Variants in SEC24A observed in about 807,000 individuals in gnomAD.
The protein encoded by SEC24A is SEC24 homolog A, COPII component, also known as protein transport protein Sec24A.
A neutral mutation model predicts 129.4 loss-of-function variants in SEC24A; 93 were observed. That is an observed-to-expected ratio of 0.72 (90% CI 0.61 to 0.85). The LOEUF is 0.85. Among genes scored for constraint, SEC24A ranks in the 40% least tolerant of loss-of-function variants. SEC24A has a pLI of 0.00. For synonymous variants in SEC24A, 460 were observed against 467.3 expected, an observed-to-expected ratio of 0.98 and a Z score of 0.20; for missense variants, 1,264 against 1,307.4, an observed-to-expected ratio of 0.97 and a Z score of 0.51.
chr5:134,669,528 G>C (rs1750784009), intron 3 of SEC24A, among the ~76,000 whole-genome samples: 1 of 151,350 alleles, frequency 6.6e-6, no homozygotes, highest in Non-Finnish European at 1.5e-5. Flanking sequence ...CCAGGCTGGA[G>C]TGCAGTGGCA....
In SEC24A at chr5:134,726,964, A is replaced by C. The variant is rs1321413713; in HGVS notation, c.*1870A>C. On this transcript the variant is annotated 3_prime_UTR_variant, in exon 23 of 23. Transcript: ENST00000398844. ...AGTATATTTCACAAATTTACTTTTA[A>C]ATATTATTTTAGATACGGTGTAACA... is the stretch of plus-strand genomic sequence containing the variant. 6.6e-6 allele frequency: 1 copy of C among 152,372 alleles called. No homozygotes were observed. The highest frequency in any genetic ancestry group is 1.9e-4 in the East Asian group (1 of 5,202). The allele number at this position is 152,372 out of a possible 1,614,324, so 9.4% of individuals were successfully genotyped here.
At chr5:134,718,737 C>T (rs1248069362) in intron 20 of SEC24A, among the ~76,000 whole-genome samples, 2 of 151,930 alleles carry the variant, frequency 1.3e-5, no homozygotes, top group Admixed American at 1.3e-4. Context: ...TTTGGGAGGC[C>T]GAGGCAGGTA....
rs141606700 is a variant in SEC24A at position 134,672,303 on chromosome 5, T to G, written c.817+417T>G. ...CCTGGGTTCAAGTGATTCTCCCACTTAAGCCTCCCAGTTAGCTGGTATTAG... is the reference window on the plus strand; with the variant it reads ...CCTGGGTTCAAGTGATTCTCCCACTGAAGCCTCCCAGTTAGCTGGTATTAG... On this transcript the variant is annotated intron_variant, in intron 4 of 22. Coordinates refer to ENST00000398844, the MANE Select transcript of SEC24A (RefSeq NM_021982.3). Among the ~76,000 whole-genome samples the G allele has an allele frequency of 6.3e-3, 961 of 152,296 alleles. 6 individuals are homozygous for G. Among genetic ancestry groups the G allele is most frequent in the Non-Finnish European group, 9.7e-3 (662 of 68,018 alleles).
chr5:134,674,907 C>T (rs906178647), intron 5 of SEC24A, 132 bp downstream of exon 5: 9 of 1,104,660 alleles, frequency 8.1e-6, no homozygotes, highest in Non-Finnish European at 1.1e-5. Flanking sequence ...TTTCATAAAG[C>T]CTTTGTCTTT....
At chr5:134,723,221 T>C (rs1421165776) in intron 21 of SEC24A, among the ~76,000 whole-genome samples, 2 of 152,212 alleles carry the variant, frequency 1.3e-5, no homozygotes, top group East Asian at 1.9e-4. Flanking sequence ...ATCCCAGCAC[T>C]TCGGGAGGCC....
chr5:134,659,532 GA>G (rs769423562), intron 1 of SEC24A, among the ~76,000 whole-genome samples: 2 of 150,294 alleles, frequency 1.3e-5, no homozygotes, highest in Non-Finnish European at 3.0e-5. Flanking sequence ...AGGGATGTCA[GA>G]AAAAAAAATT....
At position 134,661,211 on chromosome 5, in the gene SEC24A, G is replaced by C. The variant is rs375169255; in HGVS notation, c.190G>C (p.Ala64Pro). 1.2e-6 allele frequency: 2 copies of C among 1,614,122 alleles called. No individual in the cohort carries two copies. Among genetic ancestry groups the C allele is most frequent in the Non-Finnish European group, 8.5e-7 (1 of 1,180,012 alleles). ...AGGATCCTACCCTCATCCAATACCAGCAAAGACTTTGAATCCAGTCTCTGG... is the reference window on the plus strand; with the variant it reads ...AGGATCCTACCCTCATCCAATACCACCAAAGACTTTGAATCCAGTCTCTGG... ...LPGSYPHPIP[A>P]KTLNPVSGQS... The change falls in exon 2 of 23, where the codon GCA becomes CCA. Residue 64 changes from alanine (A) to proline (P), a missense_variant. Ala to Pro is a conservative substitution (Grantham distance 27). Transcript: ENST00000398844.
intron 12 of SEC24A, chr5:134,693,121 T>G: frequency 1.3e-6 from 2 of 1,535,766 alleles, no homozygotes; most frequent in Non-Finnish European, 1.7e-6. Flanking sequence ...AGAATGTGTC[T>G]GAAGGGGGGA....
Position 134,708,877 on chromosome 5 carries a change from C to G in SEC24A, c.2716C>G (p.Leu906Val), listed in dbSNP as rs759797682. The change falls in exon 18 of 23, where the codon CTC becomes GTC. Residue 906 changes from leucine (L) to valine (V), a missense_variant. Physicochemically the swap from Leu to Val is conservative, Grantham distance 32. Transcript: ENST00000398844. ...LRLFPLFVLA[L>V]LKQKSFQTGT... ...GCTTTTCCCACTTTTTGTGTTGGCT[C>G]TCCTTAAACAGGTAAGAAAAACAGA... is the stretch of plus-strand genomic sequence containing the variant. 1.9e-6 allele frequency: 3 copies of G among 1,612,858 alleles called. No individual in the cohort carries two copies. The highest frequency in any genetic ancestry group is 1.7e-5 in the Admixed American group (1 of 59,502).
intron 16 of SEC24A, among the ~76,000 whole-genome samples, chr5:134,704,809 A>C (rs1358895806): frequency 6.6e-6 from 1 of 151,474 alleles, no homozygotes; most frequent in Non-Finnish European, 1.5e-5. Flanking sequence ...TTTCTAAAAA[A>C]AAAAAAAAAG....
At chr5:134,662,268 C>A (rs899066244) in intron 2 of SEC24A, among the ~76,000 whole-genome samples, 2 of 152,050 alleles carry the variant, frequency 1.3e-5, no homozygotes, top group Non-Finnish European at 2.9e-5. Flanking sequence ...CATTCTCCTG[C>A]CTCAGCCTCC....
intron 3 of SEC24A, 76 bp downstream of exon 3, chr5:134,667,072 G>T: frequency 7.9e-7 from 1 of 1,259,782 alleles, no homozygotes; most frequent in South Asian, 1.6e-5. Context: ...GCTGAATTCT[G>T]TGCATTAAAA....
chr5:134,719,071 A>G (rs1389522439), intron 20 of SEC24A, among the ~76,000 whole-genome samples: 1 of 152,140 alleles, frequency 6.6e-6, no homozygotes, highest in Non-Finnish European at 1.5e-5. Flanking sequence ...AAGTGTTATT[A>G]CAAAAGAGTC....
chr5:134,672,111 G>C (rs1383479539), intron 4 of SEC24A, among the ~76,000 whole-genome samples: 1 of 152,116 alleles, frequency 6.6e-6, no homozygotes, highest in African/African-American at 2.4e-5. Context: ...TCAGTCTCCT[G>C]GGCTCAAGCA....
intron 1 of SEC24A, among the ~76,000 whole-genome samples, chr5:134,651,587 C>T (rs986169801): frequency 9.2e-5 from 14 of 151,432 alleles, no homozygotes; most frequent in African/African-American, 2.4e-4. Context: ...TGAGCCACCA[C>T]GCCCGGCCTA....
chr5:134,658,994 T>A (rs910443657), intron 1 of SEC24A, among the ~76,000 whole-genome samples: 57 of 152,204 alleles, frequency 3.7e-4, no homozygotes, highest in African/African-American at 1.3e-3. Flanking sequence ...TAAAATAATT[T>A]TTATGCCATA....
chr5:134,699,301 C>CGTTTTTTTTTTTTTT (rs1429369613), intron 15 of SEC24A, among the ~76,000 whole-genome samples: 4 of 138,368 alleles, frequency 2.9e-5, no homozygotes, highest in African/African-American at 8.3e-5. Context: ...CCATTTTATC[C>CGTTTTTTTTTTTTTT]TTTTTTTTTT....
At chr5:134,713,833 A>AG (rs923043032) in intron 18 of SEC24A, among the ~76,000 whole-genome samples, 1 of 151,168 alleles carries the variant, frequency 6.6e-6, no homozygotes, top group Non-Finnish European at 1.5e-5. Context: ...GTTCAAGACC[A>AG]GCCTGACCAA....
chr5:134,708,838 C>T lies in SEC24A; in HGVS notation c.2677C>T (p.Pro893Ser), dbSNP rs998688474. ...TAACCAGCAGCCTGGACTCATGGTTCCTTTTTCTTTGCGGCTTTTCCCACT... is the reference window on the plus strand; with the variant it reads ...TAACCAGCAGCCTGGACTCATGGTTTCTTTTTCTTTGCGGCTTTTCCCACT... ...LSNQQPGLMV[P>S]FSLRLFPLFV... is the part of the protein sequence containing the mutation. The change falls in exon 18 of 23, where the codon CCT (proline) becomes TCT (serine). Residue 893 changes from proline (P) to serine (S), a missense_variant. Physicochemically the swap from Pro to Ser is moderately conservative, Grantham distance 74. Coordinates refer to ENST00000398844, the MANE Select transcript of SEC24A (RefSeq NM_021982.3). The T allele has an allele frequency of 3.7e-6, 6 of 1,613,928 alleles. No individual in the cohort carries two copies. Among genetic ancestry groups the T allele is most frequent in the Non-Finnish European group, 4.2e-6 (5 of 1,180,026 alleles).
Sources: allele counts gnomAD v4.1 joint callset (sites outside exome capture counted in the v4.1 genomes callset), GRCh38; gene constraint gnomAD v4.1.1; transcripts MANE v1.5; gene names NCBI Gene and HGNC (gene_info 2026-07-23, HGNC 2026-07-21).